The following PARPBP variants were observed in gnomAD, a reference collection of about 807,000 sequenced individuals.
PARPBP encodes the protein PARP1 binding protein.
A neutral mutation model predicts 50.0 loss-of-function variants in PARPBP; 52 were observed. The ratio of observed to expected loss-of-function variants is 1.04; its 90% CI spans 0.83 to 1.31. The LOEUF (loss-of-function observed/expected upper bound fraction) is 1.31. Among genes scored for constraint, PARPBP ranks in the 50% most tolerant of loss-of-function variants. The pLI, the probability that PARPBP is intolerant of heterozygous loss-of-function variation, is 0.00. For missense variants in PARPBP, 697 were observed against 672.0 expected (o/e 1.04, Z -0.41); for synonymous variants, 244 against 232.1 (o/e 1.05, Z -0.47).
chr12:102,197,378 G>C lies in PARPBP; in HGVS notation c.*1087G>C. 2 of 853,586 alleles carry C rather than the reference G, an allele frequency of 2.3e-6. No individual in the cohort carries two copies. Among genetic ancestry groups the C allele is most frequent in the Non-Finnish European group, 3.6e-6 (2 of 556,204 alleles). The allele number at this position is 853,586 out of a possible 1,614,324, so 52.9% of individuals were successfully genotyped here. A position where few individuals can be genotyped will look rare whatever the true frequency, so the allele number is the denominator to read the frequency against. ...GATGGAAGAACTACCTGGCATGTAAGAAATATCGTCAGTCGTCCTAATGCA... is the reference window on the plus strand; with the variant it reads ...GATGGAAGAACTACCTGGCATGTAACAAATATCGTCAGTCGTCCTAATGCA... On this transcript the variant is annotated 3_prime_UTR_variant, in exon 11 of 11. Coordinates refer to ENST00000327680, the MANE Select transcript of PARPBP (RefSeq NM_017915.5).
intron 2 of PARPBP, among the ~76,000 whole-genome samples, chr12:102,145,857 T>C (rs1337423041): frequency 6.6e-6 from 1 of 152,250 alleles, no homozygotes; most frequent in East Asian, 1.9e-4. Flanking sequence ...AATTAATCTC[T>C]GGCTCAAGGT....
chr12:102,165,666 A>T, intron 5 of PARPBP, 63 bp from the exon 6 acceptor site: 2 of 1,259,024 alleles, frequency 1.6e-6, no homozygotes, highest in Middle Eastern at 3.7e-4. Context: ...ACTTAGCTTT[A>T]TGAAGTAAAT....
In PARPBP at chr12:102,195,463, T is replaced by G. The variant is rs979053917; in HGVS notation, c.1399+16T>G. ...GACCTTTCTGGTAATTGACCTTATT[T>G]GTGCAATTAAATAACAATTTAATTC... On this transcript the variant is annotated intron_variant, in intron 10 of 10. Coordinates refer to ENST00000327680, the MANE Select transcript of PARPBP (RefSeq NM_017915.5). 1 of 1,559,836 alleles carries G rather than the reference T, an allele frequency of 6.4e-7. No homozygotes were observed. Among genetic ancestry groups the G allele is most frequent in the African/African-American group, 1.4e-5 (1 of 72,578 alleles).
At chr12:102,121,126 T>A (rs2136867361) in intron 1 of PARPBP, among the ~76,000 whole-genome samples, 1 of 152,280 alleles carries the variant, frequency 6.6e-6, no homozygotes, top group South Asian at 2.1e-4. Context: ...TGATGATGCC[T>A]CCACCTAGGA....
Position 102,196,149 on chromosome 12 carries a change from A to T in PARPBP, c.1598A>T (p.Asn533Ile). The T allele has an allele frequency of 6.2e-7, 1 of 1,612,196 alleles. No homozygotes were observed. The highest frequency in any genetic ancestry group is 8.5e-7 in the Non-Finnish European group (1 of 1,178,682). Residue 533 changes from asparagine to isoleucine, a missense_variant, in exon 11 of 11, where the codon AAT becomes ATT. By Grantham distance (149) the Asn-to-Ile change is moderately radical. Coordinates refer to ENST00000327680, the MANE Select transcript of PARPBP (RefSeq NM_017915.5). ...AGAAATGAACCACCTCAACATAAAA[A>T]TGCTAAAATACCTAAGAAATCAAAT... ...DNRNEPPQHKNAKIPKKSNDS... is the reference protein window; with the variant it reads ...DNRNEPPQHKIAKIPKKSNDS...
chr12:102,160,081 A>G (rs376380840), intron 4 of PARPBP, among the ~76,000 whole-genome samples: 6 of 152,186 alleles, frequency 3.9e-5, no homozygotes, highest in African/African-American at 1.2e-4. Flanking sequence ...GGACATCATA[A>G]CTATACTTAT....
intron 1 of PARPBP, among the ~76,000 whole-genome samples, chr12:102,120,724 G>T (rs1462879041): frequency 2.0e-5 from 3 of 152,160 alleles, no homozygotes; most frequent in Non-Finnish European, 4.4e-5. Context: ...CCTACTAAAT[G>T]CCTGGCACTA....
At chr12:102,180,432 G>C (rs1889712905) in intron 8 of PARPBP, among the ~76,000 whole-genome samples, 1 of 152,076 alleles carries the variant, frequency 6.6e-6, no homozygotes, top group African/African-American at 2.4e-5. Flanking sequence ...GCCAGGCATG[G>C]TGTCTTATGC....
chr12:102,163,004 T>C (rs923105908), intron 4 of PARPBP, among the ~76,000 whole-genome samples: 2 of 152,246 alleles, frequency 1.3e-5, no homozygotes, highest in African/African-American at 4.8e-5. Flanking sequence ...TATAGACTTA[T>C]GATCCACTTT....
chr12:102,150,867 G>C (rs1886094781), intron 3 of PARPBP, among the ~76,000 whole-genome samples: 1 of 152,176 alleles, frequency 6.6e-6, no homozygotes, highest in South Asian at 2.1e-4. Flanking sequence ...CTGAATAGAT[G>C]GGCTCACTTC....
chr12:102,175,607 A>G lies in PARPBP; in HGVS notation c.946A>G (p.Ile316Val), dbSNP rs1459068292. 6.2e-7 allele frequency: 1 copy of G among 1,613,650 alleles called. No individual in the cohort carries two copies. The highest frequency in any genetic ancestry group is 8.5e-7 in the Non-Finnish European group (1 of 1,179,588). ...AQDLDLRIKN[I>V]INSQEGVVAL... Reference sequence around the variant, plus strand: ...GGATTTGGATTTGAGGATTAAAAATATTATCAATTCTCAAGAAGGTGTTGT... The same window carrying G: ...GGATTTGGATTTGAGGATTAAAAATGTTATCAATTCTCAAGAAGGTGTTGT... Residue 316 changes from isoleucine to valine, a missense_variant, in exon 7 of 11, where the codon ATT becomes GTT. Ile to Val is a conservative substitution (Grantham distance 29). Coordinates refer to ENST00000327680, the MANE Select transcript of PARPBP (RefSeq NM_017915.5).
chr12:102,138,134 G>C (rs1883960822), intron 2 of PARPBP, among the ~76,000 whole-genome samples: 1 of 152,132 alleles, frequency 6.6e-6, no homozygotes, highest in Non-Finnish European at 1.5e-5. Flanking sequence ...GTGTAAAAGT[G>C]TTCCTATTTC....
intron 6 of PARPBP, among the ~76,000 whole-genome samples, chr12:102,174,260 T>C (rs1479627316): frequency 6.6e-6 from 1 of 152,110 alleles, no homozygotes; most frequent in Non-Finnish European, 1.5e-5. Context: ...TAGGATGGGA[T>C]CTGGAGTTGA....
At chr12:102,183,479 A>T (rs1344705574) in intron 9 of PARPBP, among the ~76,000 whole-genome samples, 1 of 152,070 alleles carries the variant, frequency 6.6e-6, no homozygotes. Context: ...TTATTTATTA[A>T]TACCTTTTCT....
At position 102,195,429 on chromosome 12, in the gene PARPBP, A is replaced by T; in HGVS notation, c.1381A>T (p.Met461Leu). Residue 461 changes from methionine (M) to leucine (L), a missense_variant, in exon 10 of 11, where the codon ATG becomes TTG. Met to Leu is a conservative substitution (Grantham distance 15). Coordinates refer to ENST00000327680, the MANE Select transcript of PARPBP (RefSeq NM_017915.5). ...LASKPLCVLY[M>L]ENDLSEGVNP... is the part of the protein sequence containing the mutation. ...ATCAAAGCCTTTGTGTGTTCTTTAC[A>T]TGGAAAATGACCTTTCTGGTAATTG... The T allele has an allele frequency of 6.3e-7, 1 of 1,591,470 alleles. No homozygotes were observed. The highest frequency in any genetic ancestry group is 1.1e-5 in the South Asian group (1 of 87,670).
At chr12:102,161,710 C>A (rs562056133) in intron 4 of PARPBP, among the ~76,000 whole-genome samples, 23 of 151,956 alleles carry the variant, frequency 1.5e-4, no homozygotes, top group African/African-American at 5.6e-4. Flanking sequence ...CACTTGAGCC[C>A]AGGAGTTCAA....
At position 102,175,606 on chromosome 12, in the gene PARPBP, T is replaced by G; in HGVS notation, c.945T>G (p.Asn315Lys). Residue 315 changes from asparagine to lysine, a missense_variant, in exon 7 of 11, where the codon AAT becomes AAG. Coordinates refer to ENST00000327680, the MANE Select transcript of PARPBP (RefSeq NM_017915.5). ...AGGATTTGGATTTGAGGATTAAAAA[T>G]ATTATCAATTCTCAAGAAGGTGTTG... ...VAQDLDLRIK[N>K]IINSQEGVVA... 6.2e-7 allele frequency: 1 copy of G among 1,613,600 alleles called. No homozygotes were observed. Among genetic ancestry groups the G allele is most frequent in the Non-Finnish European group, 8.5e-7 (1 of 1,179,578 alleles).
chr12:102,125,117 T>C (rs1881780911), intron 2 of PARPBP, among the ~76,000 whole-genome samples: 1 of 152,236 alleles, frequency 6.6e-6, no homozygotes, highest in Non-Finnish European at 1.5e-5. Context: ...AATGTTATTT[T>C]ATTTTATGTA....
rs754724347 is a variant in PARPBP at position 102,197,048 on chromosome 12, A to T, written c.*757A>T. ...CCAATTTCTCTCTTTTCTTGTGTTG[A>T]TTCAGTATTCTGAACTCCATTCTCA... On this transcript the variant is annotated 3_prime_UTR_variant, in exon 11 of 11. Coordinates refer to ENST00000327680, the MANE Select transcript of PARPBP (RefSeq NM_017915.5). 1 of 1,612,080 alleles carries T rather than the reference A, an allele frequency of 6.2e-7. No individual in the cohort carries two copies. Among genetic ancestry groups the T allele is most frequent in the Non-Finnish European group, 8.5e-7 (1 of 1,178,666 alleles).
Sources: allele counts gnomAD v4.1 joint callset (sites outside exome capture counted in the v4.1 genomes callset), GRCh38; gene constraint gnomAD v4.1.1; transcripts MANE v1.5; gene names NCBI Gene and HGNC (gene_info 2026-07-23, HGNC 2026-07-21).